TTC28: variants seen among roughly 807,000 people sequenced by gnomAD.
TTC28 encodes the protein tetratricopeptide repeat domain 28.
TTC28 carries 61 observed loss-of-function variants against 198.0 expected under a neutral mutation model. That is an observed-to-expected ratio of 0.31 (90% CI 0.25 to 0.38). TTC28 has a LOEUF of 0.38. Among genes scored for constraint, TTC28 ranks in the 10% least tolerant of loss-of-function variants. The pLI, the probability that TTC28 is intolerant of heterozygous loss-of-function variation, is 1.00. For synonymous variants in TTC28, 1,171 were observed against 1,297.8 expected, an observed-to-expected ratio of 0.90 and a Z score of 2.10; for missense variants, 2,678 against 3,164.0, an observed-to-expected ratio of 0.85 and a Z score of 3.69.
chr22:28,576,389 T>G (rs976621979), intron 2 of TTC28, among the ~76,000 whole-genome samples: 1 of 152,078 alleles, frequency 6.6e-6, no homozygotes, highest in Non-Finnish European at 1.5e-5. Context: ...TTGCAAGTAT[T>G]TGGGTGAGGA....
chr22:28,499,905 T>C (rs2048512600), intron 2 of TTC28, among the ~76,000 whole-genome samples: 1 of 152,182 alleles, frequency 6.6e-6, no homozygotes. Flanking sequence ...AGCATACTCA[T>C]CATCTCAAAC....
intron 3 of TTC28, among the ~76,000 whole-genome samples, chr22:28,304,739 T>C (rs1360832971): frequency 6.6e-6 from 1 of 152,106 alleles, no homozygotes; most frequent in Non-Finnish European, 1.5e-5. Flanking sequence ...TTCACTCCAA[T>C]ATTCTAAGGC....
intron 6 of TTC28, among the ~76,000 whole-genome samples, chr22:28,117,899 T>A (rs1376220303): frequency 6.6e-6 from 1 of 152,162 alleles, no homozygotes; most frequent in Non-Finnish European, 1.5e-5. Flanking sequence ...CTGTAGCCAA[T>A]AATAATTTAA....
chr22:28,636,937 C>T (rs2051282582), intron 1 of TTC28, among the ~76,000 whole-genome samples: 1 of 151,348 alleles, frequency 6.6e-6, no homozygotes, highest in Admixed American at 6.6e-5. Flanking sequence ...AAATCATTGC[C>T]AAGACCAATA....
At chr22:28,127,580 T>C (rs1276641693) in intron 6 of TTC28, among the ~76,000 whole-genome samples, 2 of 152,196 alleles carry the variant, frequency 1.3e-5, no homozygotes, top group Non-Finnish European at 2.9e-5. Context: ...AGACTTCGTA[T>C]GAGAAAAGGA....
intron 2 of TTC28, among the ~76,000 whole-genome samples, chr22:28,475,463 T>C (rs2048151460): frequency 6.6e-6 from 1 of 152,162 alleles, no homozygotes; most frequent in Admixed American, 6.5e-5. Context: ...GTGCAAACTC[T>C]ACCCAGTGGG....
chr22:28,295,561 C>T (rs368014194), intron 5 of TTC28, among the ~76,000 whole-genome samples: 1 of 152,228 alleles, frequency 6.6e-6, no homozygotes, highest in South Asian at 2.1e-4. Context: ...ATAACTACCC[C>T]CAAGATCCCA....
chr22:28,407,262 G>T (rs1308474418), intron 2 of TTC28, among the ~76,000 whole-genome samples: 2 of 152,126 alleles, frequency 1.3e-5, no homozygotes, highest in Admixed American at 1.3e-4. Context: ...CCGAGACAAA[G>T]ATAATTCTGG....
At position 28,005,775 on chromosome 22, in the gene TTC28, A is replaced by AT. The variant is rs1491582870; in HGVS notation, c.4219-4223_4219-4222insA. Among the ~76,000 whole-genome samples, 1 of 152,136 alleles carries AT rather than the reference A, an allele frequency of 6.6e-6. No individual in the cohort carries two copies. Among genetic ancestry groups the AT allele is most frequent in the African/African-American group, 2.4e-5 (1 of 41,432 alleles). On this transcript the variant is annotated intron_variant, in intron 14 of 22. Transcript: ENST00000397906. This position sits in a 1 kb window ranked among gnomAD's most constrained non-coding sequence, Gnocchi z 4.9. ...GATGGCTGCTCTCCTGCCCACACTC[A>AT]GGGGGCTAGCGCTTGCCAGCAACTC...
intron 2 of TTC28, among the ~76,000 whole-genome samples, chr22:28,430,428 T>C (rs1332174072): frequency 6.6e-6 from 1 of 152,170 alleles, no homozygotes; most frequent in Non-Finnish European, 1.5e-5. Context: ...ATAATATATG[T>C]AGTAAAGACA....
intron 2 of TTC28, among the ~76,000 whole-genome samples, chr22:28,388,407 T>A (rs1026889764): frequency 6.6e-6 from 1 of 152,238 alleles, no homozygotes; most frequent in African/African-American, 2.4e-5. Flanking sequence ...TTGATGGGGA[T>A]GACATTGAAT....
chr22:28,300,606 T>C (rs749826747), intron 3 of TTC28, among the ~76,000 whole-genome samples: 9 of 152,134 alleles, frequency 5.9e-5, no homozygotes, highest in Non-Finnish European at 2.9e-5. Context: ...AAGGATAATA[T>C]ACAAAACATG....
At chr22:28,306,711 TAGAACAACAGGTCAGCAGAACTAAGATTG>T in intron 2 of TTC28, 68 bp from the exon 3 acceptor site, 1 of 1,497,538 alleles carries the variant, frequency 6.7e-7, no homozygotes, top group African/African-American at 1.4e-5. Context: ...GATTCTTTAC[TAGAACAACAGGTCAGCAGAACTAAGATTG>T]AGATGTACTT....
intron 2 of TTC28, among the ~76,000 whole-genome samples, chr22:28,372,833 C>T (rs2046358422): frequency 6.6e-6 from 1 of 152,188 alleles, no homozygotes; most frequent in African/African-American, 2.4e-5. Context: ...CCATAAACCA[C>T]ACACTGACTG....
At chr22:28,633,511 C>G (rs2051214669) in intron 1 of TTC28, among the ~76,000 whole-genome samples, 1 of 151,712 alleles carries the variant, frequency 6.6e-6, no homozygotes, top group Non-Finnish European at 1.5e-5. Flanking sequence ...ACCTGTATTC[C>G]CAGCTACTTG....
At chr22:28,593,132 T>C (rs1214858047) in intron 2 of TTC28, among the ~76,000 whole-genome samples, 3 of 148,628 alleles carry the variant, frequency 2.0e-5, no homozygotes, top group Admixed American at 1.3e-4. Context: ...CCTAAATATA[T>C]GGCAGAAGCT....
At chr22:28,273,888 T>C (rs951898212) in intron 5 of TTC28, among the ~76,000 whole-genome samples, 8 of 152,172 alleles carry the variant, frequency 5.3e-5, no homozygotes, top group African/African-American at 1.9e-4. Context: ...AACATTGAGA[T>C]AGTTTTCAAT....
intron 6 of TTC28, among the ~76,000 whole-genome samples, chr22:28,154,803 A>T (rs189778320): frequency 6.6e-6 from 1 of 152,354 alleles, no homozygotes; most frequent in East Asian, 1.9e-4. Flanking sequence ...AACAAATAAA[A>T]GGTGAATAAT....
At chr22:28,142,237 G>T (rs1233596770) in intron 6 of TTC28, among the ~76,000 whole-genome samples, 1 of 152,178 alleles carries the variant, frequency 6.6e-6, no homozygotes, top group Non-Finnish European at 1.5e-5. Context: ...ACCAGATCAT[G>T]TATGTCTTTC....
Sources: allele counts gnomAD v4.1 joint callset (sites outside exome capture counted in the v4.1 genomes callset), GRCh38; gene constraint gnomAD v4.1.1; non-coding constraint Gnocchi (gnomAD v3.1); transcripts MANE v1.5; gene names NCBI Gene and HGNC (gene_info 2026-07-23, HGNC 2026-07-21).